TCF7L2: variants seen among roughly 807,000 people sequenced by gnomAD.
The protein encoded by TCF7L2 is transcription factor 7 like 2.
In TCF7L2, 23 loss-of-function variants were observed where a neutral mutation model predicts 77.9. The observed-to-expected ratio is 0.30, with a 90% CI of 0.21 to 0.42. The LOEUF is 0.42. Among genes scored for constraint, TCF7L2 ranks in the 10% least tolerant of loss-of-function variants. The probability of loss-of-function intolerance (pLI) is 1.00; values close to 1 mark genes in which losing one functional copy is unlikely to be tolerated. For missense variants in TCF7L2, 654 were observed against 793.1 expected (o/e 0.82, Z 2.11); for synonymous variants, 413 against 340.2 (o/e 1.21, Z -2.36).
At chr10:112,989,658 C>T (rs1197319954) in intron 4 of TCF7L2, among the ~76,000 whole-genome samples, 1 of 152,130 alleles carries the variant, frequency 6.6e-6, no homozygotes, top group Non-Finnish European at 1.5e-5. Context: ...AGGCGCGTTG[C>T]TATGGTGAGG....
At chr10:113,161,802 C>T (rs1180584805) in intron 13 of TCF7L2, among the ~76,000 whole-genome samples, 4 of 152,150 alleles carry the variant, frequency 2.6e-5, no homozygotes, top group Non-Finnish European at 5.9e-5. Context: ...GGTGAAGTGC[C>T]TCGTGTTGAC....
At chr10:113,078,711 A>G (rs1406810537) in intron 5 of TCF7L2, among the ~76,000 whole-genome samples, 1 of 151,936 alleles carries the variant, frequency 6.6e-6, no homozygotes, top group Non-Finnish European at 1.5e-5. Flanking sequence ...AAGGATTAAG[A>G]TGTTATCTCC....
At chr10:113,129,437 C>T (rs2066197248) in intron 5 of TCF7L2, 4 of 1,008,026 alleles carry the variant, frequency 4.0e-6, no homozygotes, top group Non-Finnish European at 4.7e-6. Context: ...TGGACCTTCC[C>T]CCTTCCTTCA....
At chr10:113,067,988 T>C (rs572565221) in intron 5 of TCF7L2, among the ~76,000 whole-genome samples, 3 of 152,162 alleles carry the variant, frequency 2.0e-5, no homozygotes, top group Non-Finnish European at 4.4e-5. Flanking sequence ...TGGTACCCTT[T>C]AAAAAACCTC....
rs777286300 is a variant in TCF7L2, at chr10:113,151,863, C to T, written c.1140C>T (p.Ile380=). ...GCACGTTGAAAGAAAGCGCGGCCAT[C>T]AACCAGATCCTTGGGCGGAGGGTAG... is the stretch of plus-strand genomic sequence containing the variant. The change falls in exon 10 of 14, where the codon ATC becomes ATT. Residue 380 remains isoleucine (I), a synonymous_variant. Coordinates refer to ENST00000627217, the MANE Select transcript of TCF7L2 (RefSeq NM_001146274.2). The surrounding 1 kb of genome is among the most constrained non-coding windows in gnomAD (Gnocchi z 5.2). 4.3e-5 allele frequency: 69 copies of T among 1,606,388 alleles called. 1 individual carries two copies. The highest frequency in any genetic ancestry group is 1.9e-4 in the South Asian group (17 of 89,500).
chr10:113,116,197 C>T (rs569804057), intron 5 of TCF7L2, among the ~76,000 whole-genome samples: 5 of 152,214 alleles, frequency 3.3e-5, no homozygotes, highest in South Asian at 2.1e-4. Flanking sequence ...TCCCTCTTTT[C>T]CCTTCCCCTT....
intron 6 of TCF7L2, among the ~76,000 whole-genome samples, chr10:113,143,323 C>G (rs1174338468): frequency 6.6e-6 from 1 of 152,278 alleles, no homozygotes; most frequent in African/African-American, 2.4e-5. Context: ...GCCTCCAACA[C>G]CTCCTTGTCT....
At chr10:113,107,752 TAA>T (rs398014821) in intron 5 of TCF7L2, among the ~76,000 whole-genome samples, 3,751 of 55,138 alleles carry the variant, frequency 0.068, 79 homozygotes, top group Middle Eastern at 0.14. Context: ...AGACTCCGTC[TAA>T]AAAAAAAAAA....
intron 4 of TCF7L2, among the ~76,000 whole-genome samples, chr10:113,023,880 G>C (rs991242984): frequency 3.3e-5 from 5 of 151,838 alleles, no homozygotes; most frequent in African/African-American, 1.2e-4. Context: ...ATGTTGGCCA[G>C]GTCTCTTGAC....
chr10:113,037,691 A>C (rs1482302623), intron 4 of TCF7L2, among the ~76,000 whole-genome samples: 1 of 152,200 alleles, frequency 6.6e-6, no homozygotes, highest in East Asian at 1.9e-4. Context: ...CCTTCAACAA[A>C]GCCCGAGTTT....
In TCF7L2 at chr10:113,118,671, T is replaced by G. The variant is rs1484107814; in HGVS notation, c.553-22513T>G. On this transcript the variant is annotated intron_variant, in intron 5 of 13. Transcript: ENST00000627217. ...TTTTTTTTGTTTTTTTTTGTTTTTT[T>G]TTTTTTGTTTTTTTTATTTTATTTT... Among the ~76,000 whole-genome samples, 6 of 97,968 alleles carry G rather than the reference T, an allele frequency of 6.1e-5. No homozygotes were observed. The Admixed American group carries it at 6.5e-4, about 11-fold the overall frequency. The allele number at this position is 97,968 out of a possible 152,430, so 64.3% of individuals were successfully genotyped here.
intron 5 of TCF7L2, among the ~76,000 whole-genome samples, chr10:113,107,776 A>AAAAAAAAAAAAAAAAAAT (rs2062583427): frequency 7.0e-6 from 1 of 142,212 alleles, no homozygotes; most frequent in African/African-American, 2.6e-5. Flanking sequence ...AAAAAAAAAA[A>AAAAAAAAAAAAAAAAAAT]CAACAAAAAA....
At chr10:113,060,312 G>A (rs915209012) in intron 5 of TCF7L2, among the ~76,000 whole-genome samples, 1 of 152,166 alleles carries the variant, frequency 6.6e-6, no homozygotes, top group African/African-American at 2.4e-5. Flanking sequence ...AGCAAAGCCT[G>A]GTGTATTGGC....
chr10:113,119,653 A>G (rs775960736), intron 5 of TCF7L2, among the ~76,000 whole-genome samples: 1 of 146,868 alleles, frequency 6.8e-6, no homozygotes, highest in Admixed American at 6.9e-5. Context: ...CATTTTAGCC[A>G]TGGTGTCCCT....
chr10:113,086,982 C>T (rs1308290881), intron 5 of TCF7L2, among the ~76,000 whole-genome samples: 1 of 151,724 alleles, frequency 6.6e-6, no homozygotes, highest in African/African-American at 2.4e-5. Context: ...GGTAATAAAC[C>T]TCCTACAGGC....
In TCF7L2 at chr10:112,964,748, G is replaced by GTGGTGGTGA. The variant is rs2036166508; in HGVS notation, c.450+132_450+133insATGGTGGTG. 4 of 873,280 alleles carry GTGGTGGTGA rather than the reference G, an allele frequency of 4.6e-6. No individual in the cohort carries two copies. The African/African-American group carries it at 5.8e-5, about 13-fold the overall frequency. The allele number at this position is 873,280 out of a possible 1,614,324, so 54.1% of individuals were successfully genotyped here. A position where few individuals can be genotyped will look rare whatever the true frequency, so the allele number is the denominator to read the frequency against. The stretch of plus-strand genomic sequence containing the variant: ...GATGATGATGATGATGATGGTGGTG[G>GTGGTGGTGA]TGGTGGTGGTGATGGTGGTGGTGGT... On this transcript the variant is annotated intron_variant, in intron 4 of 13. Transcript: ENST00000627217.
chr10:113,161,660 G>A (rs1050082532), intron 13 of TCF7L2: 10 of 1,523,456 alleles, frequency 6.6e-6, no homozygotes, highest in East Asian at 4.9e-5. Context: ...CCCTCGTCAC[G>A]TGTCCCTCCC....
rs1554853172 is a variant in TCF7L2 at position 112,950,463 on chromosome 10, T to TA, written c.-293dup. 121 of 272,174 alleles carry TA rather than the reference T, an allele frequency of 4.4e-4. No homozygotes were observed. In the East Asian group the frequency reaches 6.2e-3, roughly 14 times the overall value. The allele number at this position is 272,174 out of a possible 1,614,324, so 16.9% of individuals were successfully genotyped here. On this transcript the variant is annotated 5_prime_UTR_variant, in exon 1 of 14. Transcript: ENST00000627217. Reference sequence around the variant, plus strand: ...TTGTTGTTGGTGTTTTTTTTTTTTTTACCCCCCTTTTTTATTTATTATTTT... The same window carrying TA: ...TTGTTGTTGGTGTTTTTTTTTTTTTTAACCCCCCTTTTTTATTTATTATTTT...
chr10:112,964,818 G>GTGATGGTGGT (rs2036322539), intron 4 of TCF7L2, among the ~76,000 whole-genome samples, 194 bp downstream of exon 4: 2 of 108,450 alleles, frequency 1.8e-5, no homozygotes, highest in Non-Finnish European at 4.0e-5. Context: ...GTGGTGGGGG[G>GTGATGGTGGT]GGGTTGAATC....
Sources: gnomAD v4.1 joint callset for allele counts (sites outside exome capture counted in the v4.1 genomes callset) on GRCh38, gnomAD v4.1.1 for gene constraint, Gnocchi (gnomAD v3.1) non-coding constraint, MANE v1.5 for transcripts, NCBI Gene and HGNC (gene_info 2026-07-23, HGNC 2026-07-21) for gene names.